RNF138: variants seen among roughly 807,000 people sequenced by gnomAD.
RNF138 encodes ring finger protein 138, also known as E3 ubiquitin-protein ligase RNF138.
A neutral mutation model predicts 31.0 loss-of-function variants in RNF138; 12 were observed. That is an observed-to-expected ratio of 0.39 (90% CI 0.25 to 0.63). The LOEUF (loss-of-function observed/expected upper bound fraction) is 0.63, where lower values mean the gene tolerates loss of function less well. Ranked by LOEUF, RNF138 falls within the 20% of genes least tolerant of loss-of-function variation. The probability of loss-of-function intolerance (pLI) is 0.52; values close to 1 mark genes in which losing one functional copy is unlikely to be tolerated. For missense variants in RNF138, 192 were observed against 300.1 expected (o/e 0.64, Z 2.66); for synonymous variants, 105 against 99.5 (o/e 1.06, Z -0.33).
chr18:32,101,946 G>A (rs143693026), intron 2 of RNF138, among the ~76,000 whole-genome samples: 1 of 151,896 alleles, frequency 6.6e-6, no homozygotes, highest in East Asian at 1.9e-4. Flanking sequence ...GCATAATCAC[G>A]GCTTACTGCA....
At chr18:32,105,240 T>TG (rs2040009748) in intron 2 of RNF138, among the ~76,000 whole-genome samples, 1 of 151,918 alleles carries the variant, frequency 6.6e-6, no homozygotes, top group Non-Finnish European at 1.5e-5. Flanking sequence ...TACATGCACC[T>TG]GCCACCATAC....
At chr18:32,124,525 T>C (rs1057234114) in intron 5 of RNF138, 2 of 447,950 alleles carry the variant, frequency 4.5e-6, no homozygotes, top group Admixed American at 7.1e-5. Flanking sequence ...AAAAAATTTA[T>C]TGAGGACACT....
intron 3 of RNF138, 99 bp from the exon 4 acceptor site, chr18:32,113,646 A>G (rs1239620623): frequency 1.9e-6 from 1 of 537,710 alleles, no homozygotes; most frequent in African/African-American, 2.0e-5. Flanking sequence ...TCCTGTTTAA[A>G]TGGAGTATTT....
intron 6 of RNF138, among the ~76,000 whole-genome samples, chr18:32,125,957 TTTATATTGGA>T (rs1321884534): frequency 6.6e-6 from 1 of 152,220 alleles, no homozygotes; most frequent in African/African-American, 2.4e-5. Context: ...TTTACTTAGT[TTTATATTGGA>T]TTACCAAATT....
chr18:32,098,082 G>A (rs941073653), intron 2 of RNF138, among the ~76,000 whole-genome samples: 1 of 151,814 alleles, frequency 6.6e-6, no homozygotes, highest in African/African-American at 2.4e-5. Flanking sequence ...CACCTCCCTG[G>A]TTCAAGCGAT....
intron 2 of RNF138, among the ~76,000 whole-genome samples, chr18:32,095,810 G>A (rs1397638004): frequency 6.6e-6 from 1 of 152,196 alleles, no homozygotes; most frequent in Non-Finnish European, 1.5e-5. Flanking sequence ...GTCTGGTGCA[G>A]GGACTACTAA....
intron 4 of RNF138, among the ~76,000 whole-genome samples, chr18:32,117,166 T>C (rs1456999889): frequency 1.3e-5 from 2 of 151,962 alleles, no homozygotes; most frequent in African/African-American, 4.8e-5. Context: ...CCTCCCAAAG[T>C]GATGGGATTA....
intron 2 of RNF138, among the ~76,000 whole-genome samples, chr18:32,109,840 C>T (rs557027919): frequency 3.2e-4 from 49 of 152,232 alleles, no homozygotes; most frequent in African/African-American, 8.9e-4. Flanking sequence ...GAGCCAAGAT[C>T]GCACCAGTGT....
At chr18:32,120,496 A>G (rs1315500365) in intron 4 of RNF138, among the ~76,000 whole-genome samples, 1 of 152,206 alleles carries the variant, frequency 6.6e-6, no homozygotes, top group East Asian at 1.9e-4. Context: ...TTGTTTTATT[A>G]TGGAGATTGA....
intron 5 of RNF138, chr18:32,124,533 A>G: frequency 2.0e-6 from 1 of 497,774 alleles, no homozygotes; most frequent in Non-Finnish European, 3.6e-6. Flanking sequence ...TATTGAGGAC[A>G]CTAAGAGTAC....
chr18:32,110,785 C>CT (rs879590455), intron 2 of RNF138, among the ~76,000 whole-genome samples: 2,382 of 144,828 alleles, frequency 0.016, 60 homozygotes, highest in African/African-American at 0.054. Context: ...AATGTTTAAT[C>CT]TTTTTTTTTT....
rs1477678878 is a variant in RNF138, at chr18:32,111,934, A to T, written c.276+15A>T. Reference sequence around the variant, plus strand: ...GTGCAAAACAGGTAGAGTAAATGTGACATCTCTCTTCTTTGGAAGCCAAGT... The same window carrying T: ...GTGCAAAACAGGTAGAGTAAATGTGTCATCTCTCTTCTTTGGAAGCCAAGT... On this transcript the variant is annotated intron_variant, in intron 3 of 7. Transcript: ENST00000261593. The T allele has an allele frequency of 1.7e-5, 27 of 1,566,306 alleles. No homozygotes were observed. Among genetic ancestry groups the T allele is most frequent in the Non-Finnish European group, 2.3e-5 (27 of 1,156,942 alleles).
At chr18:32,110,474 A>G (rs1314098591) in intron 2 of RNF138, among the ~76,000 whole-genome samples, 1 of 152,172 alleles carries the variant, frequency 6.6e-6, no homozygotes, top group African/African-American at 2.4e-5. Context: ...TTATTTCGTG[A>G]GTGAGGAAAC....
At chr18:32,104,747 A>G (rs2040001808) in intron 2 of RNF138, among the ~76,000 whole-genome samples, 1 of 152,196 alleles carries the variant, frequency 6.6e-6, no homozygotes, top group African/African-American at 2.4e-5. Flanking sequence ...ACAAAACTTT[A>G]TTGAAAAGTG....
rs2040467650 is a variant in RNF138 at position 32,131,029 on chromosome 18, AATACATCCAATAT to A, written c.*1843_*1855del. On this transcript the variant is annotated 3_prime_UTR_variant, in exon 8 of 8. Transcript: ENST00000261593. ...AACCATTCTGGGATTTGCAAAGTTT[AATACATCCAATAT>A]GTCAAGTTAAACCATTCTGGGATTT... 6.6e-6 allele frequency: 1 copy of A among 151,266 alleles called. No homozygotes were observed. Among genetic ancestry groups the A allele is most frequent in the Admixed American group, 6.6e-5 (1 of 15,068 alleles). 9.4% of individuals were successfully genotyped at this position (151,266 alleles called of 1,614,324 possible).
chr18:32,098,403 C>T lies in RNF138; in HGVS notation c.110+5517C>T, dbSNP rs574386556. On this transcript the variant is annotated intron_variant, in intron 2 of 7. Transcript: ENST00000261593. Reference sequence around the variant, plus strand: ...GTCTCAAGCAGTCCTCCCACCTGAGCCTCCTGAGTAGTGGGGACTACAGGT... The same window carrying T: ...GTCTCAAGCAGTCCTCCCACCTGAGTCTCCTGAGTAGTGGGGACTACAGGT... Among the ~76,000 whole-genome samples the T allele has an allele frequency of 7.9e-5, 12 of 152,286 alleles. No individual in the cohort carries two copies. In the South Asian group the frequency reaches 2.5e-3, roughly 32 times the overall value.
chr18:32,115,311 CTT>C lies in RNF138; in HGVS notation c.392+1454_392+1455del, dbSNP rs546074866. On this transcript the variant is annotated intron_variant, in intron 4 of 7. Transcript: ENST00000261593. ...CTAATAGCAATATTCCTCATCTGTA[CTT>C]TTATTTTATCTTGTCACTTCCCTAG... 3.5e-3 allele frequency among the ~76,000 whole-genome samples: 527 copies of C among 152,290 alleles called. 3 individuals are homozygous for C. The highest frequency in any genetic ancestry group is 4.6e-3 in the Non-Finnish European group (311 of 68,026).
chr18:32,111,159 A>C (rs553571853), intron 2 of RNF138, among the ~76,000 whole-genome samples: 4 of 152,366 alleles, frequency 2.6e-5, no homozygotes, highest in Admixed American at 1.3e-4. Flanking sequence ...TTCCGGACCA[A>C]ATAACCAAAT....
At chr18:32,128,700 T>G (rs1407685204) in intron 7 of RNF138, among the ~76,000 whole-genome samples, 1 of 152,238 alleles carries the variant, frequency 6.6e-6, no homozygotes, top group Admixed American at 6.5e-5. Context: ...TTTTTTAAAG[T>G]GACAGTCTCC....
Sources: gnomAD v4.1 joint callset for allele counts (sites outside exome capture counted in the v4.1 genomes callset) on GRCh38, gnomAD v4.1.1 for gene constraint, MANE v1.5 for transcripts, NCBI Gene and HGNC (gene_info 2026-07-23, HGNC 2026-07-21) for gene names.